The following MDN1 variants were observed in gnomAD, a reference collection of about 807,000 sequenced individuals.
The protein encoded by MDN1 is midasin.
MDN1 carries 266 observed loss-of-function variants against 669.2 expected under a neutral mutation model. The observed-to-expected ratio is 0.40, with a 90% CI of 0.36 to 0.44. The LOEUF is 0.44. Among genes scored for constraint, MDN1 ranks in the 20% least tolerant of loss-of-function variants. The pLI is 1.00. For missense variants in MDN1, 5,940 were observed against 6,754.0 expected (o/e 0.88, Z 4.22); for synonymous variants, 2,385 against 2,457.1 (o/e 0.97, Z 0.87).
chr6:89,804,745 T>C (rs987947162), intron 1 of MDN1, among the ~76,000 whole-genome samples: 1 of 151,972 alleles, frequency 6.6e-6, no homozygotes, highest in Non-Finnish European at 1.5e-5. Context: ...AAATACAAAA[T>C]TCTAGGCCGG....
intron 96 of MDN1, 74 bp downstream of exon 96, chr6:89,650,658 G>A (rs1367581657): frequency 4.4e-6 from 5 of 1,134,198 alleles, no homozygotes; most frequent in South Asian, 1.4e-5. Flanking sequence ...ATGGTTAGGT[G>A]CCGCGTTCAA....
intron 17 of MDN1, 35 bp from the exon 18 acceptor site, chr6:89,758,995 T>C: frequency 6.3e-7 from 1 of 1,598,588 alleles, no homozygotes; most frequent in Non-Finnish European, 8.6e-7. Flanking sequence ...TAACAATGTG[T>C]CAAATAAAGG....
At chr6:89,672,905 A>G (rs1810919848) in intron 80 of MDN1, among the ~76,000 whole-genome samples, 1 of 152,240 alleles carries the variant, frequency 6.6e-6, no homozygotes, top group South Asian at 2.1e-4. Flanking sequence ...TACTAAAATA[A>G]TGTAAAAAAT....
intron 5 of MDN1, 120 bp from the exon 6 acceptor site, chr6:89,790,521 C>A (rs1819205196): frequency 1.7e-6 from 2 of 1,209,256 alleles, no homozygotes; most frequent in African/African-American, 1.5e-5. Flanking sequence ...ATTAGTAGTA[C>A]CAAAACTATA....
chr6:89,762,637 G>T lies in MDN1; in HGVS notation c.2145-107C>A, dbSNP rs773106074. ...AGGTCTCAGATTTCATTTAATTAAC[G>T]TCAGAAATACTACTGAAATATTTAA... On this transcript the variant is annotated intron_variant, in intron 15 of 101. Coordinates refer to ENST00000369393, the MANE Select transcript of MDN1 (RefSeq NM_014611.3). 1.3e-4 allele frequency: 99 copies of T among 739,830 alleles called. No homozygotes were observed. The Middle Eastern group carries it at 1.5e-3, about 11-fold the overall frequency. 45.8% of individuals were successfully genotyped at this position (739,830 alleles called of 1,614,324 possible).
chr6:89,770,822 C>T (rs1192934770), intron 15 of MDN1, among the ~76,000 whole-genome samples: 1 of 152,120 alleles, frequency 6.6e-6, no homozygotes, highest in Non-Finnish European at 1.5e-5. Flanking sequence ...CACTTTAGAT[C>T]AACTGTACTG....
intron 1 of MDN1, among the ~76,000 whole-genome samples, chr6:89,804,409 T>A (rs1767879158): frequency 6.6e-6 from 1 of 152,122 alleles, no homozygotes; most frequent in South Asian, 2.1e-4. Context: ...ACACTGGAGT[T>A]TGAGGTACAG....
At chr6:89,686,012 G>C (rs201299550) in intron 69 of MDN1, 39 bp from the exon 70 acceptor site, 6 of 1,592,242 alleles carry the variant, frequency 3.8e-6, no homozygotes, top group Non-Finnish European at 5.1e-6. Flanking sequence ...ATGTTCCTTC[G>C]ACCATGACTC....
intron 50 of MDN1, 65 bp downstream of exon 50, chr6:89,710,616 T>TC: frequency 1.1e-6 from 1 of 914,056 alleles, no homozygotes; most frequent in Non-Finnish European, 1.6e-6. Flanking sequence ...TCAGATCTTT[T>TC]CCCCATAAAG....
chr6:89,673,241 T>C lies in MDN1; in HGVS notation c.13469A>G (p.Gln4490Arg), dbSNP rs1438544946. 2 of 1,612,366 alleles carry C rather than the reference T, an allele frequency of 1.2e-6. No homozygotes were observed. Among genetic ancestry groups the C allele is most frequent in the African/African-American group, 1.3e-5 (1 of 74,914 alleles). ...GACTGAACAATATTCCTTACCTCCT[T>C]GGCTATCTGAAGTAAGCAGATGGGT... ...WKTHLLTSDS[Q>R]GGNQMLDEGF... The change falls in exon 80 of 102, where the codon CAA (glutamine) becomes CGA (arginine). Residue 4490 changes from glutamine to arginine, a missense_variant. Around this residue, in one of 5 missense-constraint regions of MDN1, gnomAD observed 2,280 missense variants for 2,576.3 expected, o/e 0.88. Coordinates refer to ENST00000369393, the MANE Select transcript of MDN1 (RefSeq NM_014611.3).
chr6:89,813,141 T>C (rs533966818), intron 1 of MDN1, among the ~76,000 whole-genome samples: 291 of 152,270 alleles, frequency 1.9e-3, no homozygotes, highest in African/African-American at 6.6e-3. Context: ...GGTTTCTCCA[T>C]GTTGGTCAGG....
intron 15 of MDN1, among the ~76,000 whole-genome samples, chr6:89,767,822 G>A (rs891316689): frequency 2.6e-5 from 4 of 151,924 alleles, no homozygotes; most frequent in Non-Finnish European, 5.9e-5. Context: ...AAGGTGGGAG[G>A]ATCATTTTAG....
At chr6:89,715,594 T>C in intron 45 of MDN1, 59 bp downstream of exon 45, 1 of 1,021,584 alleles carries the variant, frequency 9.8e-7, no homozygotes, top group South Asian at 1.3e-5. Context: ...CTACTGAACG[T>C]CTACCTCTGC....
rs964597186 is a variant in MDN1 at position 89,730,636 on chromosome 6, A to T, written c.5140+90T>A. On this transcript the variant is annotated intron_variant, in intron 35 of 101. Coordinates refer to ENST00000369393, the MANE Select transcript of MDN1 (RefSeq NM_014611.3). ...CTCAGTTAGTGCAAATATAATCATG[A>T]GTATTACACATTAAAACTAAGTCAC... 3 of 947,612 alleles carry T rather than the reference A, an allele frequency of 3.2e-6. No individual in the cohort carries two copies. The Admixed American group carries it at 7.6e-5, about 24-fold the overall frequency. The allele number at this position is 947,612 out of a possible 1,614,324, so 58.7% of individuals were successfully genotyped here.
intron 21 of MDN1, among the ~76,000 whole-genome samples, chr6:89,753,854 GAGTGGGAACAC>G (rs1349823281): frequency 1.6e-4 from 25 of 152,126 alleles, no homozygotes; most frequent in Non-Finnish European, 5.9e-5. Context: ...TTCGAGACCA[GAGTGGGAACAC>G]AGTGACACCC....
chr6:89,789,420 A>T (rs4707571), intron 7 of MDN1, among the ~76,000 whole-genome samples: 19,018 of 152,116 alleles, frequency 0.13, 2,309 homozygotes, highest in East Asian at 0.43. Context: ...GCAGGATCTC[A>T]AAGTTCTCAA....
At chr6:89,717,206 T>C (rs995249698) in intron 43 of MDN1, among the ~76,000 whole-genome samples, 3 of 152,270 alleles carry the variant, frequency 2.0e-5, no homozygotes, top group Non-Finnish European at 4.4e-5. Context: ...TATAGTAATA[T>C]AGTAATAACT....
At chr6:89,740,872 A>C (rs191688146) in intron 31 of MDN1, among the ~76,000 whole-genome samples, 1 of 152,214 alleles carries the variant, frequency 6.6e-6, no homozygotes, top group African/African-American at 2.4e-5. Flanking sequence ...GAGACAAAAA[A>C]GAGATTAATC....
chr6:89,687,731 C>A (rs189084727), intron 67 of MDN1, among the ~76,000 whole-genome samples: 1 of 152,258 alleles, frequency 6.6e-6, no homozygotes, highest in African/African-American at 2.4e-5. Context: ...CGGCCCTTTT[C>A]TGTCCAATGG....
Sources: allele counts gnomAD v4.1 joint callset (sites outside exome capture counted in the v4.1 genomes callset), GRCh38; gene constraint gnomAD v4.1.1; regional missense constraint gnomAD v4.1.1; transcripts MANE v1.5; gene names NCBI Gene and HGNC (gene_info 2026-07-23, HGNC 2026-07-21).